TBC1D22A: variants seen among roughly 807,000 people sequenced by gnomAD.
The protein encoded by TBC1D22A is TBC1 domain family member 22A.
In TBC1D22A, 38 loss-of-function variants were observed where a neutral mutation model predicts 60.2. That is an observed-to-expected ratio of 0.63 (90% confidence interval 0.49 to 0.83). The LOEUF (loss-of-function observed/expected upper bound fraction) is 0.83. Among genes scored for constraint, TBC1D22A ranks in the 40% least tolerant of loss-of-function variants. The pLI is 0.00. For synonymous variants in TBC1D22A, 302 were observed against 281.7 expected (o/e 1.07, Z -0.72); for missense variants, 628 against 701.0 (o/e 0.90, Z 1.18).
chr22:47,016,961 G>A (rs1163368759), intron 10 of TBC1D22A, among the ~76,000 whole-genome samples: 2 of 152,250 alleles, frequency 1.3e-5, no homozygotes, highest in South Asian at 2.1e-4. Flanking sequence ...GTCCGCTGAT[G>A]GTTTTGTCTG....
chr22:46,940,768 A>T (rs566660956), intron 8 of TBC1D22A, among the ~76,000 whole-genome samples: 1 of 133,106 alleles, frequency 7.5e-6, no homozygotes, highest in Admixed American at 7.7e-5. Flanking sequence ...ACTAGCACAC[A>T]TATATATGTA....
At chr22:47,107,429 G>A (rs1342073335) in intron 11 of TBC1D22A, among the ~76,000 whole-genome samples, 1 of 152,010 alleles carries the variant, frequency 6.6e-6, no homozygotes, top group Non-Finnish European at 1.5e-5. Context: ...AGAATAGAGG[G>A]GAACCCAACA....
chr22:46,869,107 T>C (rs1260858368), intron 4 of TBC1D22A, among the ~76,000 whole-genome samples: 1 of 152,248 alleles, frequency 6.6e-6, no homozygotes, highest in Non-Finnish European at 1.5e-5. Context: ...TGCTGACATT[T>C]CTTGTCTGCC....
intron 10 of TBC1D22A, among the ~76,000 whole-genome samples, chr22:47,005,808 C>G (rs1336134830): frequency 2.6e-5 from 4 of 151,512 alleles, no homozygotes; most frequent in East Asian, 1.9e-4. Flanking sequence ...TATACACACT[C>G]TCCATATACA....
chr22:46,833,234 T>G (rs1203711163), intron 4 of TBC1D22A, among the ~76,000 whole-genome samples: 1 of 152,270 alleles, frequency 6.6e-6, no homozygotes, highest in East Asian at 1.9e-4. Context: ...AATGCACTAA[T>G]GTGACTTTTA....
At chr22:46,916,011 G>A in intron 8 of TBC1D22A, 1 of 460,332 alleles carries the variant, frequency 2.2e-6, no homozygotes, top group Non-Finnish European at 4.3e-6. Context: ...AATCTGGAGA[G>A]ATGAGCTTTA....
chr22:46,966,875 C>T (rs542740116), intron 8 of TBC1D22A, among the ~76,000 whole-genome samples: 5 of 152,124 alleles, frequency 3.3e-5, no homozygotes, highest in Non-Finnish European at 7.3e-5. Context: ...GGTCTGCTTG[C>T]GGGTGGTGGG....
chr22:46,930,600 C>T (rs1040947427), intron 8 of TBC1D22A, among the ~76,000 whole-genome samples: 2 of 150,408 alleles, frequency 1.3e-5, no homozygotes, highest in African/African-American at 2.5e-5. Context: ...GGACTACGGG[C>T]GCCCACCACC....
At chr22:46,868,636 A>G (rs1335459426) in intron 4 of TBC1D22A, among the ~76,000 whole-genome samples, 1 of 152,022 alleles carries the variant, frequency 6.6e-6, no homozygotes, top group African/African-American at 2.4e-5. Flanking sequence ...CCTCTTGGCT[A>G]TTGTTGCTGG....
intron 12 of TBC1D22A, among the ~76,000 whole-genome samples, chr22:47,152,313 G>A (rs1483473684): frequency 6.6e-6 from 1 of 152,220 alleles, no homozygotes; most frequent in Non-Finnish European, 1.5e-5. Flanking sequence ...TTCCCTGGGT[G>A]AGAAACCACC....
rs546151541 is a variant in TBC1D22A at position 47,140,566 on chromosome 22, AAAAGAAAGAAAG to A, written c.1425+28975_1425+28986del. Among the ~76,000 whole-genome samples the A allele has an allele frequency of 4.0e-3, 606 of 150,698 alleles. 4 individuals carry two copies. Among genetic ancestry groups the A allele is most frequent in the African/African-American group, 0.012 (472 of 40,602 alleles). On this transcript the variant is annotated intron_variant, in intron 12 of 12. Transcript: ENST00000337137. The stretch of plus-strand genomic sequence containing the variant: ...GAGACTCTGTCTCAAAAAAAAAAAA[AAAAGAAAGAAAG>A]AAAGAAAGAAAATGCTACTGTGTGG...
chr22:46,903,392 A>ATGGC (rs1480442850), intron 7 of TBC1D22A, among the ~76,000 whole-genome samples: 2 of 152,150 alleles, frequency 1.3e-5, no homozygotes, highest in African/African-American at 4.8e-5. Context: ...CCCCGCCCTG[A>ATGGC]TGGCTGCTCC....
intron 12 of TBC1D22A, among the ~76,000 whole-genome samples, chr22:47,137,640 G>C (rs2066923339): frequency 6.6e-6 from 1 of 152,212 alleles, no homozygotes; most frequent in Non-Finnish European, 1.5e-5. Context: ...GGCCTGCCTA[G>C]CCAGCTTCAC....
At chr22:46,948,959 CA>C in intron 8 of TBC1D22A, among the ~76,000 whole-genome samples, 1 of 152,302 alleles carries the variant, frequency 6.6e-6, no homozygotes, top group East Asian at 1.9e-4. Flanking sequence ...AGCCTGCTTC[CA>C]GGCACGGGAG....
In TBC1D22A at chr22:46,879,897, G is replaced by A. The variant is rs115007124; in HGVS notation, c.708+1174G>A. 2.9e-3 allele frequency among the ~76,000 whole-genome samples: 434 copies of A among 152,248 alleles called. 3 individuals are homozygous for A. The highest frequency in any genetic ancestry group is 1.0e-2 in the African/African-American group (414 of 41,542). On this transcript the variant is annotated intron_variant, in intron 5 of 12. Transcript: ENST00000337137. Reference sequence around the variant, plus strand: ...TTGTGGTTCCGCTTCCCTAATGTGTGTAGCACAGGGGTTGATGTGGACATG... The same window carrying A: ...TTGTGGTTCCGCTTCCCTAATGTGTATAGCACAGGGGTTGATGTGGACATG...
Position 46,894,765 on chromosome 22 carries a change from G to A in TBC1D22A, c.838-19G>A, listed in dbSNP as rs376862915. ...TTGTTGTGACGTAACATAAATGTCC[G>A]TTTCTCCTGCTTCTCCAGATCCACA... On this transcript the variant is annotated intron_variant, in intron 6 of 12. Coordinates refer to ENST00000337137, the MANE Select transcript of TBC1D22A (RefSeq NM_014346.5). 21 of 1,613,940 alleles carry A rather than the reference G, an allele frequency of 1.3e-5. No homozygotes were observed. The highest frequency in any genetic ancestry group is 2.7e-5 in the African/African-American group (2 of 74,924).
intron 1 of TBC1D22A, among the ~76,000 whole-genome samples, chr22:46,790,373 G>A (rs952853602): frequency 6.6e-6 from 1 of 152,206 alleles, no homozygotes; most frequent in Non-Finnish European, 1.5e-5. Flanking sequence ...GATTGCCCAG[G>A]ATGGTCTCCC....
At chr22:47,042,314 G>C (rs902782043) in intron 11 of TBC1D22A, among the ~76,000 whole-genome samples, 1 of 152,226 alleles carries the variant, frequency 6.6e-6, no homozygotes, top group Non-Finnish European at 1.5e-5. Context: ...CCACATCTCT[G>C]TCCTGGCCAG....
rs777340079 is a variant in TBC1D22A at position 46,792,546 on chromosome 22, A to G, written c.89A>G (p.His30Arg). The part of the protein sequence containing the change: ...GSIQHVYGAQ[H>R]PPFDPLLHGT... ...ATCCAGCACGTGTATGGTGCCCAGCACCCCCCCTTTGATCCACTGTTACAT... is the reference window on the plus strand; with the variant it reads ...ATCCAGCACGTGTATGGTGCCCAGCGCCCCCCCTTTGATCCACTGTTACAT... The change falls in exon 2 of 13, where the codon CAC (histidine) becomes CGC (arginine). Residue 30 changes from histidine (H) to arginine (R), a missense_variant. Physicochemically the swap from His to Arg is conservative, Grantham distance 29. Transcript: ENST00000337137. The G allele has an allele frequency of 6.2e-7, 1 of 1,612,790 alleles. No individual in the cohort carries two copies. Among genetic ancestry groups the G allele is most frequent in the South Asian group, 1.1e-5 (1 of 91,016 alleles).
Sources: allele counts gnomAD v4.1 joint callset (sites outside exome capture counted in the v4.1 genomes callset), GRCh38; gene constraint gnomAD v4.1.1; transcripts MANE v1.5; gene names NCBI Gene and HGNC (gene_info 2026-07-23, HGNC 2026-07-21).